FNDC4: variants seen among roughly 807,000 people sequenced by gnomAD.
FNDC4 encodes the protein fibronectin type III domain containing 4.
A neutral mutation model predicts 25.1 loss-of-function variants in FNDC4; 11 were observed. That is an observed-to-expected ratio of 0.44 (90% CI 0.28 to 0.73). FNDC4 has a LOEUF of 0.73. FNDC4 is among the 30% of genes least tolerant of loss of function. The pLI is 0.16. For missense variants in FNDC4, 250 were observed against 304.3 expected, an observed-to-expected ratio of 0.82 and a Z score of 1.33; for synonymous variants, 136 against 118.8, an observed-to-expected ratio of 1.14 and a Z score of -0.94.
chr2:27,494,860 C>T lies in FNDC4; in HGVS notation c.-25+18G>A, dbSNP rs1669346143. 3 of 558,152 alleles carry T rather than the reference C, an allele frequency of 5.4e-6. No homozygotes were observed. The highest frequency in any genetic ancestry group is 3.4e-5 in the Admixed American group (1 of 29,278). The allele number at this position is 558,152 out of a possible 1,614,324, so 34.6% of individuals were successfully genotyped here. A position where few individuals can be genotyped will look rare whatever the true frequency, so the allele number is the denominator to read the frequency against. On this transcript the variant is annotated intron_variant, in intron 1 of 6. Transcript: ENST00000264703. This position sits in a 1 kb window ranked among gnomAD's most constrained non-coding sequence, Gnocchi z 4.6. ...GCCCGGGCGGCCCCAGAGTGCGGTCCGCCCTGCCCACACCCACCTCCGCCG... is the reference window on the plus strand; with the variant it reads ...GCCCGGGCGGCCCCAGAGTGCGGTCTGCCCTGCCCACACCCACCTCCGCCG...
At chr2:27,493,542 G>T in intron 4 of FNDC4, 64 bp from the exon 5 acceptor site, 20 of 1,211,994 alleles carry the variant, frequency 1.7e-5, no homozygotes, top group Non-Finnish European at 2.2e-5. Flanking sequence ...AGACATGCAG[G>T]ATGGAGATGC....
At position 27,494,284 on chromosome 2, in the gene FNDC4, C is replaced by G. The variant is rs141504043; in HGVS notation, c.249+67G>C. On this transcript the variant is annotated intron_variant, in intron 3 of 6. Transcript: ENST00000264703. The surrounding 1 kb of genome is among the most constrained non-coding windows in gnomAD (Gnocchi z 4.6). ...GATACGCCAGCTTCCAGATCCCCCCCACTTAAGTGAAGAAATGTGCCGAAA... is the reference window on the plus strand; with the variant it reads ...GATACGCCAGCTTCCAGATCCCCCCGACTTAAGTGAAGAAATGTGCCGAAA... 8,822 of 1,454,988 alleles carry G rather than the reference C, an allele frequency of 6.1e-3. 39 individuals carry two copies. Among genetic ancestry groups the G allele is most frequent in the Middle Eastern group, 0.015 (88 of 5,798 alleles). 90.1% of individuals were successfully genotyped at this position (1,454,988 alleles called of 1,614,324 possible).
chr2:27,494,838 CGG>C lies in FNDC4; in HGVS notation c.-25+38_-25+39del, dbSNP rs1318639235. ...TACGCCCTCCCGCCCCCGCATTGCCCGGGCGGCCCCAGAGTGCGGTCCGCCCT... is the reference window on the plus strand; with the variant it reads ...TACGCCCTCCCGCCCCCGCATTGCCCGCGGCCCCAGAGTGCGGTCCGCCCT... On this transcript the variant is annotated intron_variant, in intron 1 of 6. Coordinates refer to ENST00000264703, the MANE Select transcript of FNDC4 (RefSeq NM_022823.3). The surrounding 1 kb of genome is among the most constrained non-coding windows in gnomAD (Gnocchi z 4.6). 1.8e-6 allele frequency: 1 copy of C among 563,146 alleles called. No homozygotes were observed. The highest frequency in any genetic ancestry group is 1.9e-5 in the African/African-American group (1 of 52,304). 34.9% of individuals were successfully genotyped at this position (563,146 alleles called of 1,614,324 possible).
Position 27,492,772 on chromosome 2 carries a change from C to A in FNDC4, c.563G>T (p.Cys188Phe). The change falls in exon 6 of 7, where the codon TGC becomes TTC. Residue 188 changes from cysteine (C) to phenylalanine (F), a missense_variant. Cys to Phe is a radical substitution (Grantham distance 205). Transcript: ENST00000264703. This position sits in a 1 kb window ranked among gnomAD's most constrained non-coding sequence, Gnocchi z 4.1. Reference sequence around the variant, plus strand: ...GTCCTTGATGATGTCATACTGACGGCAGAACAGCCCAATTACAGCTGAAAC... The same window carrying A: ...GTCCTTGATGATGTCATACTGACGGAAGAACAGCCCAATTACAGCTGAAAC... The part of the protein sequence containing the change: ...LMWAAVIGLF[C>F]RQYDIIKDND... 6.2e-7 allele frequency: 1 copy of A among 1,614,092 alleles called. No individual in the cohort carries two copies. Among genetic ancestry groups the A allele is most frequent in the Non-Finnish European group, 8.5e-7 (1 of 1,180,032 alleles).
rs945486960 is a variant in FNDC4, at chr2:27,492,938, C to T, written c.545-148G>A. On this transcript the variant is annotated intron_variant, in intron 5 of 6. Transcript: ENST00000264703. This position sits in a 1 kb window ranked among gnomAD's most constrained non-coding sequence, Gnocchi z 4.1. Reference sequence around the variant, plus strand: ...TCTGGGCTCTCAACAGCCTCCTCTCCCTCTCTTCAAAGTTCAAATCATCCC... The same window carrying T: ...TCTGGGCTCTCAACAGCCTCCTCTCTCTCTCTTCAAAGTTCAAATCATCCC... 2.2e-4 allele frequency: 172 copies of T among 769,674 alleles called. 2 individuals are homozygous for T. The highest frequency in any genetic ancestry group is 1.3e-4 in the Non-Finnish European group (58 of 463,190). 47.7% of individuals were successfully genotyped at this position (769,674 alleles called of 1,614,324 possible).
At position 27,492,399 on chromosome 2, in the gene FNDC4, T is replaced by C. The variant is rs773522556; in HGVS notation, c.*44A>G. On this transcript the variant is annotated 3_prime_UTR_variant, in exon 7 of 7. Coordinates refer to ENST00000264703, the MANE Select transcript of FNDC4 (RefSeq NM_022823.3). The surrounding 1 kb of genome is among the most constrained non-coding windows in gnomAD (Gnocchi z 4.1). ...TGGGCTCCCCCTGACCCCATCCCTA[T>C]CCCCAGTTGTTAGTGCATCTCTCTT... The C allele has an allele frequency of 2.5e-6, 4 of 1,613,008 alleles. No homozygotes were observed. In the African/African-American group the frequency reaches 5.3e-5, roughly 22 times the overall value.
Position 27,493,941 on chromosome 2 carries a change from C to T in FNDC4, c.443G>A (p.Ser148Asn), listed in dbSNP as rs1426347960. Residue 148 changes from serine (S) to asparagine (N), a missense_variant, in exon 4 of 7, where the codon AGT becomes AAT. Physicochemically the swap from Ser to Asn is conservative, Grantham distance 46. Transcript: ENST00000264703. Reference protein sequence around the residue: ...LKGSDRLPSNSSSPGDITVEG... With the variant: ...LKGSDRLPSNNSSPGDITVEG... ...GCACAGATCCTCACCTGGGCTTGAACTGTTTGAAGGTAGCCGGTCAGAACC... is the reference window on the plus strand; with the variant it reads ...GCACAGATCCTCACCTGGGCTTGAATTGTTTGAAGGTAGCCGGTCAGAACC... 6.2e-7 allele frequency: 1 copy of T among 1,614,222 alleles called. No individual in the cohort carries two copies. The highest frequency in any genetic ancestry group is 2.2e-5 in the East Asian group (1 of 44,888).
chr2:27,493,136 C>G (rs1422413224), intron 5 of FNDC4, among the ~76,000 whole-genome samples: 1 of 151,488 alleles, frequency 6.6e-6, no homozygotes, highest in Non-Finnish European at 1.5e-5. Context: ...CCTCAGCCTC[C>G]TGAGTAGCTG....
chr2:27,493,874 G>A (rs1669316449), intron 4 of FNDC4, 56 bp downstream of exon 4: 5 of 1,508,262 alleles, frequency 3.3e-6, no homozygotes, highest in East Asian at 2.3e-5. Context: ...GGGGAAGTAA[G>A]TAAGAGGCTG....
rs372353508 is a variant in FNDC4, at chr2:27,492,733, T to C, written c.602A>G (p.Asn201Ser). 5.0e-6 allele frequency: 8 copies of C among 1,613,998 alleles called. No homozygotes were observed. The highest frequency in any genetic ancestry group is 4.0e-5 in the African/African-American group (3 of 74,914). The change falls in exon 6 of 7, where the codon AAC (asparagine) becomes AGC (serine). Residue 201 changes from asparagine to serine, a missense_variant. Coordinates refer to ENST00000264703, the MANE Select transcript of FNDC4 (RefSeq NM_022823.3). The surrounding 1 kb of genome is among the most constrained non-coding windows in gnomAD (Gnocchi z 4.1). ...CCCCTTTCCCTTCTCCTTGGGATTG[T>C]TGTTGGAGTCATTGTCCTTGATGAT... ...YDIIKDNDSN[N>S]NPKEKGKGPE...
Position 27,494,723 on chromosome 2 carries a change from T to TG in FNDC4, c.-24-21dup, listed in dbSNP as rs1372813863. On this transcript the variant is annotated intron_variant, in intron 1 of 6. Coordinates refer to ENST00000264703, the MANE Select transcript of FNDC4 (RefSeq NM_022823.3). This position sits in a 1 kb window ranked among gnomAD's most constrained non-coding sequence, Gnocchi z 4.6. ...GGGCTCCTGGAGATGGCAGGAGTTGTGGGGGGTCAAGGACTGCCCAGAACG... is the reference window on the plus strand; with the variant it reads ...GGGCTCCTGGAGATGGCAGGAGTTGTGGGGGGGTCAAGGACTGCCCAGAACG... The TG allele has an allele frequency of 7.5e-6, 11 of 1,475,812 alleles. No individual in the cohort carries two copies. The highest frequency in any genetic ancestry group is 9.9e-6 in the Non-Finnish European group (11 of 1,115,546). 91.4% of individuals were successfully genotyped at this position (1,475,812 alleles called of 1,614,324 possible).
Position 27,492,500 on chromosome 2 carries a change from G to C in FNDC4, c.670-22C>G. 2 of 1,610,390 alleles carry C rather than the reference G, an allele frequency of 1.2e-6. No individual in the cohort carries two copies. Among genetic ancestry groups the C allele is most frequent in the Non-Finnish European group, 1.7e-6 (2 of 1,176,616 alleles). ...TTTTCTGTGAAAGAAAATGGCCTGAGTCTCAACTTCAGGAAGGTAATAGGT... is the reference window on the plus strand; with the variant it reads ...TTTTCTGTGAAAGAAAATGGCCTGACTCTCAACTTCAGGAAGGTAATAGGT... On this transcript the variant is annotated intron_variant, in intron 6 of 6. Coordinates refer to ENST00000264703, the MANE Select transcript of FNDC4 (RefSeq NM_022823.3). The surrounding 1 kb of genome is among the most constrained non-coding windows in gnomAD (Gnocchi z 4.1).
rs763249531 is a variant in FNDC4, at chr2:27,492,410, T to C, written c.*33A>G. On this transcript the variant is annotated 3_prime_UTR_variant, in exon 7 of 7. Coordinates refer to ENST00000264703, the MANE Select transcript of FNDC4 (RefSeq NM_022823.3). This position sits in a 1 kb window ranked among gnomAD's most constrained non-coding sequence, Gnocchi z 4.1. ...TGACCCCATCCCTATCCCCAGTTGT[T>C]AGTGCATCTCTCTTCTGGGTGTGTT... 6.2e-7 allele frequency: 1 copy of C among 1,613,808 alleles called. No individual in the cohort carries two copies. Among genetic ancestry groups the C allele is most frequent in the East Asian group, 2.2e-5 (1 of 44,866 alleles).
chr2:27,494,713 G>A lies in FNDC4; in HGVS notation c.-24-10C>T. ...CATCCAGGCGGGGCTCCTGGAGATG[G>A]CAGGAGTTGTGGGGGGTCAAGGACT... On this transcript the variant is annotated splice_polypyrimidine_tract_variant and intron_variant, in intron 1 of 6. Coordinates refer to ENST00000264703, the MANE Select transcript of FNDC4 (RefSeq NM_022823.3). The surrounding 1 kb of genome is among the most constrained non-coding windows in gnomAD (Gnocchi z 4.6). The A allele has an allele frequency of 6.7e-7, 1 of 1,490,908 alleles. No homozygotes were observed. Among genetic ancestry groups the A allele is most frequent in the Non-Finnish European group, 8.9e-7 (1 of 1,123,518 alleles). The allele number at this position is 1,490,908 out of a possible 1,614,324, so 92.4% of individuals were successfully genotyped here. A position where few individuals can be genotyped will look rare whatever the true frequency, so the allele number is the denominator to read the frequency against.
chr2:27,494,214 C>T lies in FNDC4; in HGVS notation c.250-80G>A. ...GGCTCAACCAGAGACTCTTCAACAT[C>T]CAAGCACTCCGGGGGAGTAGCGTGA... On this transcript the variant is annotated intron_variant, in intron 3 of 6. Coordinates refer to ENST00000264703, the MANE Select transcript of FNDC4 (RefSeq NM_022823.3). The surrounding 1 kb of genome is among the most constrained non-coding windows in gnomAD (Gnocchi z 4.6). 1 of 1,461,766 alleles carries T rather than the reference C, an allele frequency of 6.8e-7. No homozygotes were observed. The highest frequency in any genetic ancestry group is 9.5e-7 in the Non-Finnish European group (1 of 1,056,154). The allele number at this position is 1,461,766 out of a possible 1,614,324, so 90.5% of individuals were successfully genotyped here.
At position 27,492,548 on chromosome 2, in the gene FNDC4, C is replaced by T; in HGVS notation, c.670-70G>A. ...GGTGCCACCCTTTCTCTCCAGCCTCCCCCATCCCAGATCTTCCATTCTCCA... is the reference window on the plus strand; with the variant it reads ...GGTGCCACCCTTTCTCTCCAGCCTCTCCCATCCCAGATCTTCCATTCTCCA... On this transcript the variant is annotated intron_variant, in intron 6 of 6. Coordinates refer to ENST00000264703, the MANE Select transcript of FNDC4 (RefSeq NM_022823.3). This position sits in a 1 kb window ranked among gnomAD's most constrained non-coding sequence, Gnocchi z 4.1. 1 of 1,591,264 alleles carries T rather than the reference C, an allele frequency of 6.3e-7. No homozygotes were observed. Among genetic ancestry groups the T allele is most frequent in the Non-Finnish European group, 8.6e-7 (1 of 1,159,262 alleles).
rs1254638808 is a variant in FNDC4, at chr2:27,492,864, AAATCCATGAAGAACATCCTG to A, written c.545-94_545-75del. 5 of 1,575,848 alleles carry A rather than the reference AAATCCATGAAGAACATCCTG, an allele frequency of 3.2e-6. No individual in the cohort carries two copies. The highest frequency in any genetic ancestry group is 4.3e-6 in the Non-Finnish European group (5 of 1,152,074). Reference sequence around the variant, plus strand: ...GGGAGATACCTACGTAGCTTCTAGAAAATCCATGAAGAACATCCTGAATTCCTGGTGCCCATGCAGTCCTC... The same window carrying A: ...GGGAGATACCTACGTAGCTTCTAGAAAATTCCTGGTGCCCATGCAGTCCTC... On this transcript the variant is annotated intron_variant, in intron 5 of 6. Transcript: ENST00000264703. The surrounding 1 kb of genome is among the most constrained non-coding windows in gnomAD (Gnocchi z 4.1).
rs1016611042 is a variant in FNDC4, at chr2:27,494,907, T to G, written c.-54A>C. The G allele has an allele frequency of 3.5e-5, 16 of 452,134 alleles. No homozygotes were observed. The highest frequency in any genetic ancestry group is 3.1e-4 in the African/African-American group (15 of 48,974). 28.0% of individuals were successfully genotyped at this position (452,134 alleles called of 1,614,324 possible). Reference sequence around the variant, plus strand: ...GCCGGTCCTCGCGGTTGGTCAGGCCTCGGGGGGCTGCTCGGTGCCCAGAGG... The same window carrying G: ...GCCGGTCCTCGCGGTTGGTCAGGCCGCGGGGGGCTGCTCGGTGCCCAGAGG... On this transcript the variant is annotated 5_prime_UTR_variant, in exon 1 of 7. Transcript: ENST00000264703. This position sits in a 1 kb window ranked among gnomAD's most constrained non-coding sequence, Gnocchi z 4.6.
chr2:27,492,565 C>T lies in FNDC4; in HGVS notation c.670-87G>A. 6.3e-7 allele frequency: 1 copy of T among 1,596,058 alleles called. No individual in the cohort carries two copies. Among genetic ancestry groups the T allele is most frequent in the Non-Finnish European group, 8.6e-7 (1 of 1,163,720 alleles). ...CCAGCCTCCCCCATCCCAGATCTTC[C>T]ATTCTCCATCTTTTTCTGCCCCTCT... is the stretch of plus-strand genomic sequence containing the variant. On this transcript the variant is annotated intron_variant, in intron 6 of 6. Coordinates refer to ENST00000264703, the MANE Select transcript of FNDC4 (RefSeq NM_022823.3). The surrounding 1 kb of genome is among the most constrained non-coding windows in gnomAD (Gnocchi z 4.1).
Sources: gnomAD v4.1 joint callset for allele counts (sites outside exome capture counted in the v4.1 genomes callset) on GRCh38, gnomAD v4.1.1 for gene constraint, Gnocchi (gnomAD v3.1) non-coding constraint, MANE v1.5 for transcripts, NCBI Gene and HGNC (gene_info 2026-07-23, HGNC 2026-07-21) for gene names.